BCL9: variants seen among roughly 807,000 people sequenced by gnomAD.
The protein encoded by BCL9 is BCL9 transcription coactivator.
In BCL9, 25 loss-of-function variants were observed where a neutral mutation model predicts 88.5. That is an observed-to-expected ratio of 0.28 (90% CI 0.21 to 0.39). The LOEUF is 0.39. Among genes scored for constraint, BCL9 ranks in the 10% least tolerant of loss-of-function variants. The pLI is 1.00. For synonymous variants in BCL9, 711 were observed against 673.3 expected, an observed-to-expected ratio of 1.06 and a Z score of -0.87; for missense variants, 1,817 against 1,877.8, an observed-to-expected ratio of 0.97 and a Z score of 0.60.
At position 147,559,220 on chromosome 1, in the gene BCL9, C is replaced by T. The variant is rs779774105; in HGVS notation, c.-478+17546C>T. 2.6e-3 allele frequency among the ~76,000 whole-genome samples: 380 copies of T among 147,888 alleles called. 4 individuals carry two copies. The highest frequency in any genetic ancestry group is 3.9e-3 in the Non-Finnish European group (263 of 67,454). ...TGATCTTCTAATTTTGTAACATCCT[C>T]AAATGAGATTTTTAAAAGTATTTTC... On this transcript the variant is annotated intron_variant, in intron 1 of 9. Transcript: ENST00000234739.
chr1:147,597,959 T>C (rs770717677), intron 1 of BCL9, among the ~76,000 whole-genome samples: 53 of 152,262 alleles, frequency 3.5e-4, no homozygotes, highest in Non-Finnish European at 6.9e-4. Flanking sequence ...ATGTGTATTA[T>C]TGTTTTAATG....
At chr1:147,542,772 T>C (rs1162491529) in intron 1 of BCL9, among the ~76,000 whole-genome samples, 1 of 152,158 alleles carries the variant, frequency 6.6e-6, no homozygotes, top group South Asian at 2.1e-4. Context: ...TGTACGTATT[T>C]TTGTTTTAAA....
intron 1 of BCL9, among the ~76,000 whole-genome samples, chr1:147,599,773 T>G (rs1261622919): frequency 7.1e-6 from 1 of 140,260 alleles, no homozygotes. Flanking sequence ...TAGTAAAATA[T>G]CGGGGGCGGG....
At chr1:147,601,080 C>T (rs1337078342) in intron 1 of BCL9, among the ~76,000 whole-genome samples, 1 of 152,076 alleles carries the variant, frequency 6.6e-6, no homozygotes, top group Non-Finnish European at 1.5e-5. Context: ...AATAGTATTG[C>T]TGGGGGCCTT....
intron 1 of BCL9, among the ~76,000 whole-genome samples, chr1:147,590,265 A>G (rs1656790935): frequency 1.3e-5 from 2 of 152,098 alleles, no homozygotes; most frequent in Non-Finnish European, 1.5e-5. Context: ...GCTTTCCACC[A>G]ATTTTATGGC....
Position 147,624,596 on chromosome 1 carries a change from A to G in BCL9, c.3918A>G (p.Thr1306=). The G allele has an allele frequency of 1.2e-6, 2 of 1,614,202 alleles. No individual in the cohort carries two copies. Among genetic ancestry groups the G allele is most frequent in the Non-Finnish European group, 1.7e-6 (2 of 1,180,036 alleles). The change falls in exon 10 of 10, where the codon ACA becomes ACG. Residue 1306 remains threonine (T), a synonymous_variant. Coordinates refer to ENST00000234739, the MANE Select transcript of BCL9 (RefSeq NM_004326.4). This position sits in a 1 kb window ranked among gnomAD's most constrained non-coding sequence, Gnocchi z 4.4. ...PVGTPDIPLG[T]APSMPGHNPM... is the part of the protein sequence containing the mutation. ...GAACTCCGGACATCCCTCTTGGTAC[A>G]GCTCCATCCATGCCAGGCCACAACC...
intron 1 of BCL9, among the ~76,000 whole-genome samples, chr1:147,573,757 C>T (rs143770437): frequency 7.2e-5 from 11 of 152,250 alleles, no homozygotes; most frequent in Non-Finnish European, 1.5e-4. Flanking sequence ...TCACTATATG[C>T]AGTGAATATT....
At chr1:147,549,284 C>A (rs1193051211) in intron 1 of BCL9, among the ~76,000 whole-genome samples, 1 of 152,114 alleles carries the variant, frequency 6.6e-6, no homozygotes, top group Non-Finnish European at 1.5e-5. Flanking sequence ...GCCTCCTCTA[C>A]TTTCTTATGC....
rs587604335 is a variant in BCL9 at position 147,558,342 on chromosome 1, G to C, written c.-478+16668G>C. Among the ~76,000 whole-genome samples, 46 of 152,220 alleles carry C rather than the reference G, an allele frequency of 3.0e-4. 1 individual carries two copies. In the South Asian group the frequency reaches 9.1e-3, roughly 30 times the overall value. ...CTCAGAGCTAAATAAATAAATAAAT[G>C]CATGGTATCCCCCTAAAAGCACTTA... On this transcript the variant is annotated intron_variant, in intron 1 of 9. Transcript: ENST00000234739.
intron 1 of BCL9, 67 bp downstream of exon 1, chr1:147,541,741 C>T (rs1035614361): frequency 3.3e-5 from 5 of 152,218 alleles, no homozygotes; most frequent in Non-Finnish European, 7.3e-5. Context: ...GTGGGGGTCT[C>T]ATTCCTGCGC....
intron 1 of BCL9, 137 bp from the exon 2 acceptor site, chr1:147,604,640 C>T (rs1570893219): frequency 7.0e-6 from 1 of 142,012 alleles, no homozygotes; most frequent in Non-Finnish European, 1.5e-5. Context: ...CTTCCTTCTC[C>T]CTTTTTGACC....
chr1:147,607,053 T>C (rs1657748026), intron 3 of BCL9, among the ~76,000 whole-genome samples, 187 bp downstream of exon 3: 1 of 152,236 alleles, frequency 6.6e-6, no homozygotes, highest in South Asian at 2.1e-4. Context: ...CTACCAACTT[T>C]TTTAGATTCC....
rs199743028 is a variant in BCL9, at chr1:147,624,035, C to T, written c.3357C>T (p.Ile1119=). The T allele has an allele frequency of 2.4e-5, 38 of 1,614,174 alleles. No individual in the cohort carries two copies. The Middle Eastern group carries it at 4.9e-4, about 21-fold the overall frequency. ...CTGGCTTGATGTCACACAATCCTAT[C>T]ATGGGGCATGGGTCCCAGGAGCCAC... ...MGPGLMSHNP[I]MGHGSQEPPM... The change falls in exon 10 of 10, where the codon ATC becomes ATT. Residue 1119 remains isoleucine (I), a synonymous_variant. Coordinates refer to ENST00000234739, the MANE Select transcript of BCL9 (RefSeq NM_004326.4). This position sits in a 1 kb window ranked among gnomAD's most constrained non-coding sequence, Gnocchi z 4.4.
intron 1 of BCL9, among the ~76,000 whole-genome samples, chr1:147,544,370 G>T (rs782451242): frequency 6.6e-6 from 1 of 152,110 alleles, no homozygotes; most frequent in Non-Finnish European, 1.5e-5. Flanking sequence ...TTCACAGGGA[G>T]CCCAGCAATT....
Position 147,625,719 on chromosome 1 carries a change from T to C in BCL9, c.*760T>C, listed in dbSNP as rs1658910257. 4.3e-6 allele frequency: 1 copy of C among 233,364 alleles called. No individual in the cohort carries two copies. Among genetic ancestry groups the C allele is most frequent in the Non-Finnish European group, 8.5e-6 (1 of 117,816 alleles). 14.5% of individuals were successfully genotyped at this position (233,364 alleles called of 1,614,324 possible). On this transcript the variant is annotated 3_prime_UTR_variant, in exon 10 of 10. Transcript: ENST00000234739. Reference sequence around the variant, plus strand: ...TGGCACATTTTTCTCTTGTTTTCTCTCTCCGATTTTGCTCTGTCTCCTCAG... The same window carrying C: ...TGGCACATTTTTCTCTTGTTTTCTCCCTCCGATTTTGCTCTGTCTCCTCAG...
intron 1 of BCL9, among the ~76,000 whole-genome samples, chr1:147,588,790 T>C (rs1656726545): frequency 2.0e-5 from 3 of 152,186 alleles, no homozygotes; most frequent in Admixed American, 2.0e-4. Context: ...AAGTGAAATA[T>C]TGCTTTTGAG....
intron 1 of BCL9, among the ~76,000 whole-genome samples, chr1:147,546,247 AG>A (rs1204314556): frequency 3.3e-5 from 5 of 151,946 alleles, no homozygotes; most frequent in Non-Finnish European, 7.4e-5. Flanking sequence ...CTGAGGCAGG[AG>A]AATGGTGTGA....
At chr1:147,600,581 C>CT (rs1470138257) in intron 1 of BCL9, among the ~76,000 whole-genome samples, 4 of 151,846 alleles carry the variant, frequency 2.6e-5, no homozygotes, top group African/African-American at 9.7e-5. Flanking sequence ...GGCATCTCTT[C>CT]TTTTTTTCAA....
At chr1:147,589,029 T>C (rs587715500) in intron 1 of BCL9, among the ~76,000 whole-genome samples, 2 of 152,306 alleles carry the variant, frequency 1.3e-5, no homozygotes, top group South Asian at 4.1e-4. Flanking sequence ...AGGATATCAG[T>C]GAATTTTAAT....
Sources: gnomAD v4.1 joint callset for allele counts (sites outside exome capture counted in the v4.1 genomes callset) on GRCh38, gnomAD v4.1.1 for gene constraint, Gnocchi (gnomAD v3.1) non-coding constraint, MANE v1.5 for transcripts, NCBI Gene and HGNC (gene_info 2026-07-23, HGNC 2026-07-21) for gene names.